Variants in GPR139 observed in about 807,000 individuals in gnomAD.
GPR139 encodes the protein G protein-coupled receptor 139.
Under a neutral mutation model 25.8 loss-of-function variants are expected in GPR139, and 12 were observed. That is an observed-to-expected ratio of 0.47 (90% CI 0.30 to 0.75). GPR139 has a LOEUF of 0.75. Among genes scored for constraint, GPR139 ranks in the 30% least tolerant of loss-of-function variants. The probability of loss-of-function intolerance (pLI) is 0.07; values close to 1 mark genes in which losing one functional copy is unlikely to be tolerated. For synonymous variants in GPR139, 184 were observed against 179.9 expected, an observed-to-expected ratio of 1.02 and a Z score of -0.18; for missense variants, 380 against 450.2, an observed-to-expected ratio of 0.84 and a Z score of 1.41.
chr16:20,034,970 A>G (rs2057304863), intron 1 of GPR139, among the ~76,000 whole-genome samples: 3 of 152,198 alleles, frequency 2.0e-5, no homozygotes, highest in Non-Finnish European at 1.5e-5. Context: ...CATGAGAAGT[A>G]CTTATATATG....
intron 1 of GPR139, among the ~76,000 whole-genome samples, chr16:20,036,504 C>T (rs559509893): frequency 8.5e-5 from 13 of 152,280 alleles, no homozygotes; most frequent in East Asian, 5.8e-4. Flanking sequence ...GCTGGGGAGG[C>T]GTCACAATCA....
At chr16:20,042,132 T>TA (rs2057338630) in intron 1 of GPR139, among the ~76,000 whole-genome samples, 1 of 152,174 alleles carries the variant, frequency 6.6e-6, no homozygotes, top group South Asian at 2.1e-4. Flanking sequence ...CCTCAGTTCT[T>TA]ACATCTGTGA....
At chr16:20,047,082 C>T (rs145127949) in intron 1 of GPR139, among the ~76,000 whole-genome samples, 2 of 149,782 alleles carry the variant, frequency 1.3e-5, no homozygotes, top group African/African-American at 4.9e-5. Flanking sequence ...AGCTGTCTTT[C>T]TAGTCTTAAA....
intron 1 of GPR139, among the ~76,000 whole-genome samples, chr16:20,039,590 A>C (rs1394314013): frequency 6.6e-6 from 1 of 152,172 alleles, no homozygotes; most frequent in African/African-American, 2.4e-5. Context: ...TATCTCACTT[A>C]ATCTTCACAA....
Position 20,031,620 on chromosome 16 carries a change from C to A in GPR139, c.*115G>T, listed in dbSNP as rs567527345. On this transcript the variant is annotated 3_prime_UTR_variant, in exon 2 of 2. Coordinates refer to ENST00000570682, the MANE Select transcript of GPR139 (RefSeq NM_001002911.4). ...ACCAGTCTGAGAATTGCCCAGTCTGCGGGAGACAGGAAATCGGATTAGCAC... is the reference window on the plus strand; with the variant it reads ...ACCAGTCTGAGAATTGCCCAGTCTGAGGGAGACAGGAAATCGGATTAGCAC... 4 of 768,078 alleles carry A rather than the reference C, an allele frequency of 5.2e-6. No individual in the cohort carries two copies. The African/African-American group carries it at 6.9e-5, about 13-fold the overall frequency. 47.6% of individuals were successfully genotyped at this position (768,078 alleles called of 1,614,324 possible).
chr16:20,043,270 G>A (rs988993513), intron 1 of GPR139, among the ~76,000 whole-genome samples: 2 of 152,120 alleles, frequency 1.3e-5, no homozygotes, highest in African/African-American at 4.8e-5. Flanking sequence ...GCTTCATTGG[G>A]AACCATAATA....
At chr16:20,068,565 C>G (rs1008637720) in intron 1 of GPR139, among the ~76,000 whole-genome samples, 1 of 152,130 alleles carries the variant, frequency 6.6e-6, no homozygotes, top group Non-Finnish European at 1.5e-5. Context: ...TGAACCGAAA[C>G]TACTGAATTC....
At position 20,072,845 on chromosome 16, in the gene GPR139, G is replaced by A. The variant is rs558355199; in HGVS notation, c.127+645C>T. Among the ~76,000 whole-genome samples the A allele has an allele frequency of 7.2e-5, 11 of 152,312 alleles. 1 individual carries two copies. The South Asian group carries it at 2.3e-3, about 32-fold the overall frequency. On this transcript the variant is annotated intron_variant, in intron 1 of 1. Transcript: ENST00000570682. ...ACCCCCTGAGGTGGCAGCCACCGCA[G>A]GCTGCCCTGTGTGTCTCTGCACCCT...
intron 1 of GPR139, among the ~76,000 whole-genome samples, chr16:20,053,955 C>T (rs2057380860): frequency 6.6e-6 from 1 of 151,990 alleles, no homozygotes; most frequent in African/African-American, 2.4e-5. Context: ...TTGTTGCCTG[C>T]CTGTAAGATC....
chr16:20,032,033 G>T lies in GPR139; in HGVS notation c.764C>A (p.Ala255Glu), dbSNP rs768243680. ...IIMILYHLYG[A>E]PIQNRWLVHI... ...TACCAGCCAGCGGTTCTGGATGGGC[G>T]CCCCATAGAGGTGGTAAAGAATCAT... The change falls in exon 2 of 2, where the codon GCG becomes GAG. Residue 255 changes from alanine to glutamate, a missense_variant. Coordinates refer to ENST00000570682, the MANE Select transcript of GPR139 (RefSeq NM_001002911.4). 1 of 1,614,206 alleles carries T rather than the reference G, an allele frequency of 6.2e-7. No homozygotes were observed. Among genetic ancestry groups the T allele is most frequent in the Non-Finnish European group, 8.5e-7 (1 of 1,180,034 alleles).
chr16:20,041,706 C>T (rs2057337108), intron 1 of GPR139, among the ~76,000 whole-genome samples: 2 of 152,152 alleles, frequency 1.3e-5, no homozygotes, highest in African/African-American at 2.4e-5. Flanking sequence ...GGGCTGCTGT[C>T]CCACCATATG....
intron 1 of GPR139, among the ~76,000 whole-genome samples, chr16:20,072,480 C>G (rs2057463079): frequency 6.6e-6 from 1 of 152,174 alleles, no homozygotes. Context: ...CTCTCTTTCT[C>G]TCTGCTTCTT....
chr16:20,059,975 T>A (rs942388294), intron 1 of GPR139, among the ~76,000 whole-genome samples: 6 of 152,076 alleles, frequency 3.9e-5, no homozygotes, highest in Admixed American at 3.3e-4. Flanking sequence ...GGAACCACGG[T>A]CTGTGAGGGT....
intron 1 of GPR139, among the ~76,000 whole-genome samples, chr16:20,067,954 G>A (rs1487149361): frequency 6.6e-6 from 1 of 151,982 alleles, no homozygotes; most frequent in African/African-American, 2.4e-5. Context: ...TATATTAAGT[G>A]GAAAAAGAGT....
At chr16:20,046,750 A>C (rs1231124248) in intron 1 of GPR139, among the ~76,000 whole-genome samples, 1 of 152,164 alleles carries the variant, frequency 6.6e-6, no homozygotes, top group Non-Finnish European at 1.5e-5. Context: ...TGAGTAACAC[A>C]GTGAAGAAAC....
chr16:20,059,901 C>T (rs1162364503), intron 1 of GPR139, among the ~76,000 whole-genome samples: 1 of 152,170 alleles, frequency 6.6e-6, no homozygotes, highest in African/African-American at 2.4e-5. Flanking sequence ...GCCTCCATGA[C>T]GTCCTCTGCC....
At chr16:20,066,686 C>T (rs980927738) in intron 1 of GPR139, among the ~76,000 whole-genome samples, 1 of 152,176 alleles carries the variant, frequency 6.6e-6, no homozygotes, top group Non-Finnish European at 1.5e-5. Flanking sequence ...GAAGCCTTTG[C>T]ATATTTTATT....
intron 1 of GPR139, among the ~76,000 whole-genome samples, chr16:20,035,951 G>A (rs1023185437): frequency 1.3e-5 from 2 of 152,174 alleles, no homozygotes; most frequent in Non-Finnish European, 2.9e-5. Context: ...AAAGTATTTA[G>A]CATCTACTTT....
intron 1 of GPR139, among the ~76,000 whole-genome samples, chr16:20,055,507 G>A (rs1051745673): frequency 6.6e-6 from 1 of 152,156 alleles, no homozygotes; most frequent in African/African-American, 2.4e-5. Context: ...AAAAAACAGA[G>A]CTCAAACCTA....
Sources: allele counts gnomAD v4.1 joint callset (sites outside exome capture counted in the v4.1 genomes callset), GRCh38; gene constraint gnomAD v4.1.1; transcripts MANE v1.5; gene names NCBI Gene and HGNC (gene_info 2026-07-23, HGNC 2026-07-21).